The following CDS1 variants were observed in gnomAD, a reference collection of about 807,000 sequenced individuals.
CDS1 encodes phosphatidate cytidylyltransferase 1.
CDS1 carries 41 observed loss-of-function variants against 62.1 expected under a neutral mutation model. The ratio of observed to expected loss-of-function variants is 0.66; its 90% CI spans 0.51 to 0.86. CDS1 has a LOEUF of 0.86. Among genes scored for constraint, CDS1 ranks in the 40% least tolerant of loss-of-function variants. The pLI, the probability that CDS1 is intolerant of heterozygous loss-of-function variation, is 0.00. For missense variants in CDS1, 470 were observed against 550.1 expected (o/e 0.85, Z 1.46); for synonymous variants, 185 against 192.6 (o/e 0.96, Z 0.32).
intron 1 of CDS1, among the ~76,000 whole-genome samples, chr4:84,603,670 A>G (rs1443910356): frequency 6.6e-6 from 1 of 152,216 alleles, no homozygotes; most frequent in Admixed American, 6.5e-5. Context: ...TGTGTTTTAA[A>G]TAACTTCTTT....
rs1412141287 is a variant in CDS1, at chr4:84,634,087, C to T, written c.722+148C>T. The T allele has an allele frequency of 3.8e-5, 16 of 423,770 alleles. 1 individual carries two copies. Among genetic ancestry groups the T allele is most frequent in the Non-Finnish European group, 6.2e-5 (15 of 243,456 alleles). 26.3% of individuals were successfully genotyped at this position (423,770 alleles called of 1,614,324 possible). On this transcript the variant is annotated intron_variant, in intron 7 of 12. Transcript: ENST00000295887. ...AAACTATCTTACTGAGTTTTGCTTACTCTTTGACAACTAAAGACAAAATGC... is the reference window on the plus strand; with the variant it reads ...AAACTATCTTACTGAGTTTTGCTTATTCTTTGACAACTAAAGACAAAATGC...
intron 7 of CDS1, among the ~76,000 whole-genome samples, chr4:84,634,790 G>A (rs1215056519): frequency 1.3e-5 from 2 of 152,186 alleles, no homozygotes; most frequent in East Asian, 3.9e-4. Context: ...ACATTCAGTA[G>A]GGTTTACTGA....
intron 1 of CDS1, among the ~76,000 whole-genome samples, chr4:84,590,905 C>T (rs1722573249): frequency 1.3e-5 from 2 of 152,080 alleles, no homozygotes; most frequent in African/African-American, 4.8e-5. Context: ...TGGTATCAGT[C>T]CAGAGCCAAC....
chr4:84,591,175 T>C (rs1191820739), intron 1 of CDS1, among the ~76,000 whole-genome samples: 1 of 152,230 alleles, frequency 6.6e-6, no homozygotes, highest in Non-Finnish European at 1.5e-5. Flanking sequence ...ATTCTTTATG[T>C]GTTTATGAAT....
At chr4:84,597,713 A>G (rs1467758656) in intron 1 of CDS1, among the ~76,000 whole-genome samples, 1 of 152,166 alleles carries the variant, frequency 6.6e-6, no homozygotes, top group Non-Finnish European at 1.5e-5. Flanking sequence ...TCGTTCACCA[A>G]ACTGCTGACT....
chr4:84,645,223 A>T lies in CDS1; in HGVS notation c.1154A>T (p.Asp385Val). ...TAATATATTTGTTTGTTTCTAAAGG[A>T]TTTTGCAAATACCATTCCTGGACAT... is the stretch of plus-strand genomic sequence containing the variant. ...SGFKRAFKIK[D>V]FANTIPGHGG... is the part of the protein sequence containing the mutation. Residue 385 changes from aspartate (D) to valine (V), a missense_variant and splice_region_variant, in exon 12 of 13, where the codon GAT becomes GTT. Asp to Val is a radical substitution (Grantham distance 152, BLOSUM62 -3). Around this residue, in one of 5 missense-constraint regions of CDS1, gnomAD observed 4 missense variants for 19.4 expected, o/e 0.21. Transcript: ENST00000295887. 9 of 1,601,170 alleles carry T rather than the reference A, an allele frequency of 5.6e-6. No homozygotes were observed. Among genetic ancestry groups the T allele is most frequent in the Non-Finnish European group, 7.7e-6 (9 of 1,169,608 alleles).
chr4:84,633,888 C>T lies in CDS1; in HGVS notation c.671C>T (p.Thr224Ile). 6.2e-7 allele frequency: 1 copy of T among 1,602,390 alleles called. No homozygotes were observed. The highest frequency in any genetic ancestry group is 1.1e-5 in the South Asian group (1 of 89,572). ...TGGACTCATGTCACTTTACTGATAA[C>T]TGTCACTCAGTCACACCTTGTCATC... ...FAWTHVTLLI[T>I]VTQSHLVIQN... The change falls in exon 7 of 13, where the codon ACT (threonine) becomes ATT (isoleucine). Residue 224 changes from threonine to isoleucine, a missense_variant. Physicochemically the swap from Thr to Ile is moderately conservative, Grantham distance 89 (BLOSUM62 -1). This residue lies in a region of CDS1 where 214 missense variants were observed against 242.4 expected (regional missense o/e 0.88). Coordinates refer to ENST00000295887, the MANE Select transcript of CDS1 (RefSeq NM_001263.4).
chr4:84,619,986 C>T (rs943710269), intron 5 of CDS1, among the ~76,000 whole-genome samples: 12 of 142,982 alleles, frequency 8.4e-5, no homozygotes, highest in Non-Finnish European at 1.5e-4. Context: ...GAGCTGAGAT[C>T]ACGCCATTGC....
chr4:84,611,341 T>G (rs2110054233), intron 3 of CDS1, among the ~76,000 whole-genome samples: 1 of 152,310 alleles, frequency 6.6e-6, no homozygotes. Context: ...TTTTTCTCAT[T>G]CCTTTTCAGT....
At chr4:84,597,740 A>G (rs1375213846) in intron 1 of CDS1, among the ~76,000 whole-genome samples, 1 of 152,186 alleles carries the variant, frequency 6.6e-6, no homozygotes, top group Admixed American at 6.5e-5. Flanking sequence ...GAATTAAATC[A>G]GTTTAGTCCT....
chr4:84,589,135 A>G (rs1722504657), intron 1 of CDS1, among the ~76,000 whole-genome samples: 1 of 152,214 alleles, frequency 6.6e-6, no homozygotes, highest in Non-Finnish European at 1.5e-5. Context: ...GAAGCATTAC[A>G]AAGATTTCTA....
At chr4:84,631,492 A>G (rs377697012) in intron 5 of CDS1, among the ~76,000 whole-genome samples, 1 of 152,226 alleles carries the variant, frequency 6.6e-6, no homozygotes, top group Non-Finnish European at 1.5e-5. Context: ...ATGCATTGTT[A>G]TAGCAAATAA....
intron 11 of CDS1, among the ~76,000 whole-genome samples, chr4:84,644,246 A>G (rs1724483591): frequency 6.6e-6 from 1 of 152,212 alleles, no homozygotes; most frequent in Non-Finnish European, 1.5e-5. Context: ...ACCACCTACT[A>G]GGGCAGACAA....
At chr4:84,622,580 G>A (rs1479651750) in intron 5 of CDS1, among the ~76,000 whole-genome samples, 6 of 152,068 alleles carry the variant, frequency 3.9e-5, no homozygotes, top group Non-Finnish European at 8.8e-5. Flanking sequence ...GCGACAGAGC[G>A]AGACTCCATC....
intron 1 of CDS1, among the ~76,000 whole-genome samples, chr4:84,589,201 C>T (rs1722508097): frequency 1.3e-5 from 2 of 152,158 alleles, no homozygotes; most frequent in African/African-American, 2.4e-5. Context: ...CGTGGTACAT[C>T]GGTCAAAACT....
At chr4:84,616,170 G>A (rs371632461) in intron 3 of CDS1, among the ~76,000 whole-genome samples, 7 of 152,042 alleles carry the variant, frequency 4.6e-5, no homozygotes, top group African/African-American at 7.2e-5. Flanking sequence ...CATTGTCTCC[G>A]TTCTGTATTT....
At chr4:84,593,542 T>A (rs1015662472) in intron 1 of CDS1, among the ~76,000 whole-genome samples, 2 of 152,032 alleles carry the variant, frequency 1.3e-5, no homozygotes, top group Non-Finnish European at 2.9e-5. Context: ...TCTTGCTCTG[T>A]CACCCAAGCT....
At chr4:84,644,303 C>T (rs1204745414) in intron 11 of CDS1, among the ~76,000 whole-genome samples, 1 of 152,192 alleles carries the variant, frequency 6.6e-6, no homozygotes, top group Admixed American at 6.5e-5. Flanking sequence ...GGATAAGTAT[C>T]TTGCGAAGGC....
At chr4:84,604,433 C>G (rs942036980) in intron 2 of CDS1, 63 bp downstream of exon 2, 39 of 1,535,060 alleles carry the variant, frequency 2.5e-5, no homozygotes, top group Non-Finnish European at 3.3e-5. Flanking sequence ...TTATCCTTGT[C>G]CATGTAATAA....
Sources: allele counts gnomAD v4.1 joint callset (sites outside exome capture counted in the v4.1 genomes callset), GRCh38; gene constraint gnomAD v4.1.1; regional missense constraint gnomAD v4.1.1; transcripts MANE v1.5; gene names NCBI Gene and HGNC (gene_info 2026-07-23, HGNC 2026-07-21).